Variants in CDH13 observed in about 807,000 individuals in gnomAD.
The protein encoded by CDH13 is cadherin 13.
Under a neutral mutation model 63.8 loss-of-function variants are expected in CDH13, and 24 were observed. That is an observed-to-expected ratio of 0.38 (90% CI 0.27 to 0.53). CDH13 has a LOEUF of 0.53. Ranked by LOEUF, CDH13 falls within the 20% of genes least tolerant of loss-of-function variation. The pLI is 0.85. For synonymous variants in CDH13, 503 were observed against 355.3 expected (o/e 1.42, Z -4.67); for missense variants, 1,049 against 903.1 (o/e 1.16, Z -2.07).
intron 4 of CDH13, among the ~76,000 whole-genome samples, chr16:83,151,860 G>T (rs1026483633): frequency 6.6e-6 from 1 of 152,290 alleles, no homozygotes; most frequent in Admixed American, 6.5e-5. Context: ...TACTCAGGAG[G>T]CTGAGGCAGG....
chr16:83,618,037 C>T (rs376960028), intron 8 of CDH13, among the ~76,000 whole-genome samples: 2 of 152,142 alleles, frequency 1.3e-5, no homozygotes, highest in East Asian at 3.8e-4. Context: ...ACCCAGCCTG[C>T]CGTGTAGTGC....
chr16:83,504,122 T>G (rs2074344930), intron 7 of CDH13, among the ~76,000 whole-genome samples: 2 of 151,956 alleles, frequency 1.3e-5, no homozygotes, highest in African/African-American at 4.8e-5. Context: ...AAGGTAAAAT[T>G]TAAAAAAAGG....
chr16:83,764,519 GT>G (rs1914228760), intron 11 of CDH13, among the ~76,000 whole-genome samples: 1 of 152,046 alleles, frequency 6.6e-6, no homozygotes, highest in Non-Finnish European at 1.5e-5. Context: ...CTTTTAGCTG[GT>G]CCCCCACTGG....
Position 82,948,666 on chromosome 16 carries a change from A to G in CDH13, c.158-83344A>G, listed in dbSNP as rs1447718655. On this transcript the variant is annotated intron_variant, in intron 2 of 13. Transcript: ENST00000567109. ...GACACAGCCTAATGCAAACTCTGCT[A>G]CTAGTCACTTTCAAAATGTTGTCTA... 9.9e-5 allele frequency among the ~76,000 whole-genome samples: 15 copies of G among 152,212 alleles called. No homozygotes were observed. The East Asian group carries it at 1.9e-3, about 20-fold the overall frequency.
chr16:82,892,718 T>A (rs1298839347), intron 2 of CDH13, among the ~76,000 whole-genome samples: 1 of 152,232 alleles, frequency 6.6e-6, no homozygotes, highest in African/African-American at 2.4e-5. Flanking sequence ...CTATTTGAAA[T>A]GCTCAGTGTT....
At chr16:83,144,002 T>C (rs2036642768) in intron 4 of CDH13, among the ~76,000 whole-genome samples, 1 of 152,126 alleles carries the variant, frequency 6.6e-6, no homozygotes. Context: ...AACCCTCGGA[T>C]AGGTCACACT....
At chr16:82,807,971 G>A (rs983057262) in intron 1 of CDH13, among the ~76,000 whole-genome samples, 11 of 152,078 alleles carry the variant, frequency 7.2e-5, no homozygotes, top group African/African-American at 2.4e-4. Flanking sequence ...ACTTATTAAC[G>A]AGAGACAGAA....
At chr16:83,114,603 C>T (rs1420587075) in intron 3 of CDH13, among the ~76,000 whole-genome samples, 1 of 152,190 alleles carries the variant, frequency 6.6e-6, no homozygotes, top group African/African-American at 2.4e-5. Context: ...TACAGTAAAT[C>T]TGCAGTGGGT....
chr16:83,584,130 C>T (rs1417949379), intron 7 of CDH13, among the ~76,000 whole-genome samples: 1 of 152,038 alleles, frequency 6.6e-6, no homozygotes, highest in African/African-American at 2.4e-5. Flanking sequence ...GAGATCAAGA[C>T]CATCTTGGCT....
intron 1 of CDH13, among the ~76,000 whole-genome samples, chr16:82,651,673 T>C (rs575029953): frequency 2.6e-5 from 4 of 152,226 alleles, no homozygotes; most frequent in Non-Finnish European, 5.9e-5. Flanking sequence ...AGGTACGCCA[T>C]TGGAACAAAG....
At chr16:83,465,440 T>C (rs1280038896) in intron 6 of CDH13, among the ~76,000 whole-genome samples, 3 of 152,184 alleles carry the variant, frequency 2.0e-5, no homozygotes, top group African/African-American at 7.2e-5. Flanking sequence ...TCTGTCCCCA[T>C]GGACATAGAT....
Position 83,648,579 on chromosome 16 carries a change from C to G in CDH13, c.1102-22211C>G, listed in dbSNP as rs556889770. ...TGAGTTACACTGGAGGCTTCAACCACTGGGTTTCCATAGACATGGAAATTT... is the reference window on the plus strand; with the variant it reads ...TGAGTTACACTGGAGGCTTCAACCAGTGGGTTTCCATAGACATGGAAATTT... On this transcript the variant is annotated intron_variant, in intron 8 of 13. Coordinates refer to ENST00000567109, the MANE Select transcript of CDH13 (RefSeq NM_001257.5). 4.6e-5 allele frequency among the ~76,000 whole-genome samples: 7 copies of G among 152,256 alleles called. No homozygotes were observed. In the East Asian group the frequency reaches 1.4e-3, roughly 29 times the overall value.
At chr16:82,700,051 T>C (rs1490228989) in intron 1 of CDH13, among the ~76,000 whole-genome samples, 1 of 150,884 alleles carries the variant, frequency 6.6e-6, no homozygotes, top group African/African-American at 2.5e-5. Flanking sequence ...GTTTGGTCTT[T>C]ACTAGGGTGA....
At chr16:83,091,800 G>A (rs2033926241) in intron 3 of CDH13, among the ~76,000 whole-genome samples, 1 of 152,086 alleles carries the variant, frequency 6.6e-6, no homozygotes, top group Non-Finnish European at 1.5e-5. Context: ...GCACATGGTG[G>A]GTGTATAATA....
intron 3 of CDH13, among the ~76,000 whole-genome samples, chr16:83,032,492 G>T (rs1294294456): frequency 6.6e-6 from 1 of 152,134 alleles, no homozygotes; most frequent in Non-Finnish European, 1.5e-5. Flanking sequence ...GTCCAAATCA[G>T]CTTTAATCCC....
intron 2 of CDH13, among the ~76,000 whole-genome samples, chr16:83,027,323 A>T (rs551329692): frequency 6.6e-6 from 1 of 152,330 alleles, no homozygotes; most frequent in East Asian, 1.9e-4. Context: ...ACAGATTGAT[A>T]TAATATAAAA....
intron 4 of CDH13, among the ~76,000 whole-genome samples, chr16:83,153,427 A>G (rs1483025300): frequency 6.6e-6 from 1 of 152,140 alleles, no homozygotes; most frequent in East Asian, 1.9e-4. Context: ...CTCCAGCTGC[A>G]TGACTCCTAA....
intron 1 of CDH13, among the ~76,000 whole-genome samples, chr16:82,810,464 A>T (rs971184394): frequency 6.6e-6 from 1 of 152,160 alleles, no homozygotes; most frequent in Admixed American, 6.5e-5. Flanking sequence ...TTTTGAGAGG[A>T]TCTCAAAGTG....
intron 7 of CDH13, among the ~76,000 whole-genome samples, chr16:83,520,973 C>T (rs112268072): frequency 5.3e-5 from 8 of 152,062 alleles, no homozygotes; most frequent in South Asian, 2.1e-4. Flanking sequence ...TTTCAACCAT[C>T]GCCTCCCAAA....
Sources: allele counts gnomAD v4.1 joint callset (sites outside exome capture counted in the v4.1 genomes callset), GRCh38; gene constraint gnomAD v4.1.1; transcripts MANE v1.5; gene names NCBI Gene and HGNC (gene_info 2026-07-23, HGNC 2026-07-21).